Variants in ESYT1 observed in about 807,000 individuals in gnomAD.
The protein encoded by ESYT1 is extended synaptotagmin 1, also known as extended synaptotagmin-1.
In ESYT1, 116 loss-of-function variants were observed where a neutral mutation model predicts 154.2. That is an observed-to-expected ratio of 0.75 (90% CI 0.65 to 0.88). The LOEUF is 0.88. ESYT1 is among the 40% of genes least tolerant of loss of function. The pLI, the probability that ESYT1 is intolerant of heterozygous loss-of-function variation, is 0.00. For synonymous variants in ESYT1, 500 were observed against 539.9 expected (o/e 0.93, Z 1.02); for missense variants, 1,264 against 1,379.3 (o/e 0.92, Z 1.32).
Position 56,137,550 on chromosome 12 carries a change from C to T in ESYT1, c.1990C>T (p.Arg664Cys), listed in dbSNP as rs765983838. ...GGCCCAGGACCTGATTGCCAAAGACCGTTTCTTGGGGGGACTGGTGAAGGG... is the reference window on the plus strand; with the variant it reads ...GGCCCAGGACCTGATTGCCAAAGACTGTTTCTTGGGGGGACTGGTGAAGGG... ...LEAQDLIAKD[R>C]FLGGLVKGKS... is the part of the protein sequence containing the mutation. Residue 664 changes from arginine to cysteine, a missense_variant, in exon 18 of 31, where the codon CGT (arginine) becomes TGT (cysteine). Physicochemically the swap from Arg to Cys is radical, Grantham distance 180. Coordinates refer to ENST00000394048, the MANE Select transcript of ESYT1 (RefSeq NM_015292.3). 10 of 1,614,114 alleles carry T rather than the reference C, an allele frequency of 6.2e-6. No individual in the cohort carries two copies. Among genetic ancestry groups the T allele is most frequent in the South Asian group, 2.2e-5 (2 of 91,070 alleles).
At chr12:56,130,454 C>T (rs1870185666) in intron 1 of ESYT1, 128 bp from the exon 2 acceptor site, 1 of 1,153,050 alleles carries the variant, frequency 8.7e-7, no homozygotes, top group Non-Finnish European at 1.3e-6. Context: ...ATCCTCGCCC[C>T]TCGCCCACCC....
At chr12:56,132,688 C>T (rs1320423550) in intron 9 of ESYT1, 31 bp from the exon 10 acceptor site, 3 of 1,613,716 alleles carry the variant, frequency 1.9e-6, no homozygotes, top group African/African-American at 1.3e-5. Context: ...GCTGCAGCCC[C>T]ATGAGACACT....
chr12:56,134,360 T>C lies in ESYT1; in HGVS notation c.1564T>C (p.Cys522Arg), dbSNP rs1177894051. ...TCTCCAGGCTGTCTACAGTACCAAC[T>C]GCCCAGTGTGGGAGGAAGCGTTCCG... The part of the protein sequence containing the change: ...QESKAVYSTN[C>R]PVWEEAFRFF... The change falls in exon 15 of 31, where the codon TGC becomes CGC. Residue 522 changes from cysteine to arginine, a missense_variant. Cys to Arg is a radical substitution (Grantham distance 180). Transcript: ENST00000394048. The C allele has an allele frequency of 3.1e-6, 5 of 1,614,168 alleles. No homozygotes were observed. Among genetic ancestry groups the C allele is most frequent in the Middle Eastern group, 1.6e-4 (1 of 6,062 alleles).
In ESYT1 at chr12:56,137,557, TGGG is replaced by T; in HGVS notation, c.2001_2003del (p.Gly668del). The T allele has an allele frequency of 6.2e-7, 1 of 1,614,184 alleles. No homozygotes were observed. ...GACCTGATTGCCAAAGACCGTTTCT[TGGG>T]GGGACTGGTGAAGGGCAAGTCAGAC... On this transcript the variant is annotated inframe_deletion, in exon 18 of 31. Transcript: ENST00000394048.
At chr12:56,129,956 G>A (rs1031518838) in intron 1 of ESYT1, among the ~76,000 whole-genome samples, 4 of 151,508 alleles carry the variant, frequency 2.6e-5, no homozygotes, top group African/African-American at 7.3e-5. Context: ...GTCTCGCTCT[G>A]TTGCCAAGCT....
chr12:56,142,863 G>A lies in ESYT1; in HGVS notation c.2917G>A (p.Gly973Ser). The A allele has an allele frequency of 6.2e-7, 1 of 1,614,196 alleles. No homozygotes were observed. The highest frequency in any genetic ancestry group is 8.5e-7 in the Non-Finnish European group (1 of 1,180,046). ...SPLEAPAGPLGQVKLTLWYYS... is the reference protein window; with the variant it reads ...SPLEAPAGPLSQVKLTLWYYS... ...CCTTGAGGCTCCAGCCGGGCCTCTG[G>A]GCCAGGTGAAACTGACTCTGTGGTA... Residue 973 changes from glycine to serine, a missense_variant, in exon 27 of 31, where the codon GGC becomes AGC. Physicochemically the swap from Gly to Ser is moderately conservative, Grantham distance 56. Coordinates refer to ENST00000394048, the MANE Select transcript of ESYT1 (RefSeq NM_015292.3). This position sits in a 1 kb window ranked among gnomAD's most constrained non-coding sequence, Gnocchi z 4.1.
rs771174345 is a variant in ESYT1, at chr12:56,133,599, A to G, written c.1305A>G (p.Leu435=). The G allele has an allele frequency of 1.2e-6, 2 of 1,614,226 alleles. No individual in the cohort carries two copies. Among genetic ancestry groups the G allele is most frequent in the Non-Finnish European group, 8.5e-7 (1 of 1,180,028 alleles). The part of the protein sequence containing the change: ...QASVLDDWFP[L]QGGQGQVHLR... ...TCAATTTCTTCTAGTGGTTCCCTCTACAAGGTGGGCAAGGCCAAGTTCACT... is the reference window on the plus strand; with the variant it reads ...TCAATTTCTTCTAGTGGTTCCCTCTGCAAGGTGGGCAAGGCCAAGTTCACT... The change falls in exon 12 of 31, where the codon CTA becomes CTG. Residue 435 remains leucine, a synonymous_variant. Coordinates refer to ENST00000394048, the MANE Select transcript of ESYT1 (RefSeq NM_015292.3).
intron 15 of ESYT1, among the ~76,000 whole-genome samples, chr12:56,135,464 G>C (rs561182328): frequency 6.6e-6 from 1 of 151,470 alleles, no homozygotes; most frequent in Non-Finnish European, 1.5e-5. Flanking sequence ...GAGCCACCGT[G>C]CCCGGCCCAA....
Position 56,134,370 on chromosome 12 carries a change from G to A in ESYT1, c.1574G>A (p.Trp525Ter). The A allele has an allele frequency of 6.2e-7, 1 of 1,614,112 alleles. No individual in the cohort carries two copies. Among genetic ancestry groups the A allele is most frequent in the East Asian group, 2.2e-5 (1 of 44,878 alleles). ...KAVYSTNCPV[W>*]EEAFRFFLQD... ...GTCTACAGTACCAACTGCCCAGTGT[G>A]GGAGGAAGCGTTCCGGTTCTTCCTA... Residue 525 changes from tryptophan (W) to a stop codon, truncating the protein, a stop_gained, in exon 15 of 31, where the codon TGG becomes TAG. Coordinates refer to ENST00000394048, the MANE Select transcript of ESYT1 (RefSeq NM_015292.3). LOFTEE classifies it high-confidence loss of function.
rs779867516 is a variant in ESYT1 at position 56,143,367 on chromosome 12, G to C, written c.3225+34G>C. 3 of 1,598,734 alleles carry C rather than the reference G, an allele frequency of 1.9e-6. No individual in the cohort carries two copies. The South Asian group carries it at 3.3e-5, about 18-fold the overall frequency. On this transcript the variant is annotated intron_variant, in intron 29 of 30. Coordinates refer to ENST00000394048, the MANE Select transcript of ESYT1 (RefSeq NM_015292.3). ...GCAGGATGGCAGGGCAGAGGTGAGG[G>C]CTGGAAGCTGCTGGCACCAAGGTTA...
Position 56,143,602 on chromosome 12 carries a change from C to T in ESYT1, c.3248C>T (p.Thr1083Ile), listed in dbSNP as rs1274800936. ...LGKVQLDLAETDLSQGVARWY... is the reference protein window; with the variant it reads ...LGKVQLDLAEIDLSQGVARWY... ...CAGGTGCAGCTGGACCTAGCTGAGA[C>T]AGACCTTTCCCAGGGTGTAGCCCGG... Residue 1083 changes from threonine to isoleucine, a missense_variant, in exon 30 of 31, where the codon ACA becomes ATA. Thr to Ile is a moderately conservative substitution (Grantham distance 89). Coordinates refer to ENST00000394048, the MANE Select transcript of ESYT1 (RefSeq NM_015292.3). 6.2e-7 allele frequency: 1 copy of T among 1,614,052 alleles called. No homozygotes were observed. The highest frequency in any genetic ancestry group is 8.5e-7 in the Non-Finnish European group (1 of 1,180,040).
Position 56,143,007 on chromosome 12 carries a change from C to T in ESYT1, c.2988-10C>T. On this transcript the variant is annotated splice_polypyrimidine_tract_variant and intron_variant, in intron 27 of 30. Transcript: ENST00000394048. Reference sequence around the variant, plus strand: ...CAGGTTACCATATCACCTACATCCTCCTGTTGTAGGTCCCTTCGACAGAAT... The same window carrying T: ...CAGGTTACCATATCACCTACATCCTTCTGTTGTAGGTCCCTTCGACAGAAT... 1 of 1,614,214 alleles carries T rather than the reference C, an allele frequency of 6.2e-7. No individual in the cohort carries two copies. Among genetic ancestry groups the T allele is most frequent in the Non-Finnish European group, 8.5e-7 (1 of 1,180,044 alleles).
rs1404336918 is a variant in ESYT1, at chr12:56,138,567, T to C, written c.2433+68T>C. On this transcript the variant is annotated intron_variant, in intron 22 of 30. Coordinates refer to ENST00000394048, the MANE Select transcript of ESYT1 (RefSeq NM_015292.3). ...TTCCACCTTCCTCCGGTTTGGATGG[T>C]CCTGGAGTATTTAGAATAAGAAAAA... is the stretch of plus-strand genomic sequence containing the variant. 5 of 1,446,060 alleles carry C rather than the reference T, an allele frequency of 3.5e-6. No individual in the cohort carries two copies. The South Asian group carries it at 4.8e-5, about 14-fold the overall frequency. 89.6% of individuals were successfully genotyped at this position (1,446,060 alleles called of 1,614,324 possible). A position where few individuals can be genotyped will look rare whatever the true frequency, so the allele number is the denominator to read the frequency against.
In ESYT1 at chr12:56,138,278, G is replaced by T. The variant is rs1870545913; in HGVS notation, c.2337+6G>T. The T allele has an allele frequency of 6.2e-7, 1 of 1,614,184 alleles. No individual in the cohort carries two copies. Among genetic ancestry groups the T allele is most frequent in the South Asian group, 1.1e-5 (1 of 91,082 alleles). ...CTGCTGCTGAGTTAGAGGAGGTAGGGCAGGAGACTTGAGGAAGGAAGGGAC... is the reference window on the plus strand; with the variant it reads ...CTGCTGCTGAGTTAGAGGAGGTAGGTCAGGAGACTTGAGGAAGGAAGGGAC... On this transcript the variant is annotated splice_donor_region_variant and intron_variant, in intron 21 of 30. Coordinates refer to ENST00000394048, the MANE Select transcript of ESYT1 (RefSeq NM_015292.3).
chr12:56,144,117 C>T lies in ESYT1; in HGVS notation c.*255C>T, dbSNP rs1870829237. The T allele has an allele frequency of 7.1e-7, 1 of 1,408,382 alleles. No individual in the cohort carries two copies. The highest frequency in any genetic ancestry group is 9.2e-7 in the Non-Finnish European group (1 of 1,083,472). 87.2% of individuals were successfully genotyped at this position (1,408,382 alleles called of 1,614,324 possible). A position where few individuals can be genotyped will look rare whatever the true frequency, so the allele number is the denominator to read the frequency against. On this transcript the variant is annotated 3_prime_UTR_variant, in exon 31 of 31. Coordinates refer to ENST00000394048, the MANE Select transcript of ESYT1 (RefSeq NM_015292.3). ...CTGGCTGTTTCCTGCTTTGCCTGCACATTGTTCTCCCTTCCTCCCAACTCC... is the reference window on the plus strand; with the variant it reads ...CTGGCTGTTTCCTGCTTTGCCTGCATATTGTTCTCCCTTCCTCCCAACTCC...
rs1870739323 is a variant in ESYT1, at chr12:56,142,447, G to A, written c.2733+22G>A. On this transcript the variant is annotated intron_variant, in intron 25 of 30. Transcript: ENST00000394048. This position sits in a 1 kb window ranked among gnomAD's most constrained non-coding sequence, Gnocchi z 4.1. ...AGGGGTGAGTGACAGGAGATGGTGG[G>A]CAGGATGAGAGGGAGGAGGGGAGGG... 7 of 1,609,460 alleles carry A rather than the reference G, an allele frequency of 4.3e-6. No homozygotes were observed. Among genetic ancestry groups the A allele is most frequent in the African/African-American group, 1.3e-5 (1 of 74,980 alleles).
At chr12:56,137,945 G>A in intron 19 of ESYT1, 31 bp downstream of exon 19, 1 of 1,613,764 alleles carries the variant, frequency 6.2e-7, no homozygotes, top group Non-Finnish European at 8.5e-7. Context: ...GTGAAAAACA[G>A]GCTGGGGCTC....
In ESYT1 at chr12:56,142,195, A is replaced by G. The variant is rs1411360461; in HGVS notation, c.2593-90A>G. The stretch of plus-strand genomic sequence containing the variant: ...AAAGGGAAATCTCACCAAACCACCT[A>G]TGAGTCCAAGCGTTTGGACCTTTAA... On this transcript the variant is annotated intron_variant, in intron 24 of 30. Coordinates refer to ENST00000394048, the MANE Select transcript of ESYT1 (RefSeq NM_015292.3). This position sits in a 1 kb window ranked among gnomAD's most constrained non-coding sequence, Gnocchi z 4.1. 1.4e-6 allele frequency: 2 copies of G among 1,479,438 alleles called. No individual in the cohort carries two copies. Among genetic ancestry groups the G allele is most frequent in the Non-Finnish European group, 1.8e-6 (2 of 1,086,342 alleles). The allele number at this position is 1,479,438 out of a possible 1,614,324, so 91.6% of individuals were successfully genotyped here.
chr12:56,143,681 T>A lies in ESYT1; in HGVS notation c.3275+52T>A, dbSNP rs755727196. On this transcript the variant is annotated intron_variant, in intron 30 of 30. Transcript: ENST00000394048. ...GTCTGGATATTTCAGTGGGAGAAAT[T>A]CCAATCACAGGAAAGGAAAAAAAGA... is the stretch of plus-strand genomic sequence containing the variant. 43 of 1,612,890 alleles carry A rather than the reference T, an allele frequency of 2.7e-5. 1 individual carries two copies. Among genetic ancestry groups the A allele is most frequent in the Non-Finnish European group, 3.6e-5 (42 of 1,179,238 alleles).
Sources: gnomAD v4.1 joint callset for allele counts (sites outside exome capture counted in the v4.1 genomes callset) on GRCh38, gnomAD v4.1.1 for gene constraint, Gnocchi (gnomAD v3.1) non-coding constraint, MANE v1.5 for transcripts, NCBI Gene and HGNC (gene_info 2026-07-23, HGNC 2026-07-21) for gene names.